Variants in EQTN observed in about 807,000 individuals in gnomAD.
EQTN encodes equatorin.
In EQTN, 29 loss-of-function variants were observed where a neutral mutation model predicts 26.9. The ratio of observed to expected loss-of-function variants is 1.08; its 90% CI spans 0.80 to 1.47. The LOEUF is 1.47. Among genes scored for constraint, EQTN ranks in the 40% most tolerant of loss-of-function variants. The probability of loss-of-function intolerance (pLI) is 0.00; values close to 1 mark genes in which losing one functional copy is unlikely to be tolerated. For missense variants in EQTN, 391 were observed against 346.1 expected (o/e 1.13, Z -1.03); for synonymous variants, 129 against 120.0 (o/e 1.07, Z -0.49).
At chr9:27,291,959 T>C (rs755504208) in intron 4 of EQTN, among the ~76,000 whole-genome samples, 5 of 152,118 alleles carry the variant, frequency 3.3e-5, no homozygotes, top group Admixed American at 6.6e-5. Flanking sequence ...AATTTTGATT[T>C]TGCAGCCTCC....
At chr9:27,292,306 A>G (rs1820252530) in intron 4 of EQTN, 95 bp downstream of exon 4, 7 of 679,818 alleles carry the variant, frequency 1.0e-5, no homozygotes, top group Non-Finnish European at 1.7e-5. Flanking sequence ...TAAGCATGCT[A>G]TGGCTTTATG....
Position 27,286,207 on chromosome 9 carries a change from A to G in EQTN, c.635+2T>C, listed in dbSNP as rs1211088520. The G allele has an allele frequency of 6.8e-6, 11 of 1,613,508 alleles. No homozygotes were observed. Among genetic ancestry groups the G allele is most frequent in the Non-Finnish European group, 9.3e-6 (11 of 1,179,754 alleles). On this transcript the variant is annotated splice_donor_variant, in intron 7 of 7. Coordinates refer to ENST00000380032, the MANE Select transcript of EQTN (RefSeq NM_020641.3). LOFTEE classifies it high-confidence loss of function. ...AAAGACTGCAGAGGTCTGCAGACTTACCTCAGATGCCTCAGTTTGTACAGT... is the reference window on the plus strand; with the variant it reads ...AAAGACTGCAGAGGTCTGCAGACTTGCCTCAGATGCCTCAGTTTGTACAGT...
chr9:27,292,509 T>A, intron 3 of EQTN, 22 bp from the exon 4 acceptor site: 1 of 1,450,626 alleles, frequency 6.9e-7, no homozygotes, highest in Non-Finnish European at 9.6e-7. Flanking sequence ...GAAAAAGAAT[T>A]ATCAGCATGT....
chr9:27,289,760 A>G (rs1278207384), intron 5 of EQTN, 29 bp from the exon 6 acceptor site: 3 of 1,573,982 alleles, frequency 1.9e-6, no homozygotes, highest in East Asian at 4.5e-5. Flanking sequence ...GTTATGGTAA[A>G]CAACGTTCAC....
At chr9:27,295,296 C>T (rs1820313762) in intron 2 of EQTN, among the ~76,000 whole-genome samples, 1 of 152,136 alleles carries the variant, frequency 6.6e-6, no homozygotes, top group Admixed American at 6.5e-5. Flanking sequence ...CAACCCAACA[C>T]TCATGCCATG....
Position 27,284,791 on chromosome 9 carries a change from T to C in EQTN, c.817A>G (p.Met273Val). 1.2e-6 allele frequency: 2 copies of C among 1,614,136 alleles called. No homozygotes were observed. The highest frequency in any genetic ancestry group is 4.5e-5 in the East Asian group (2 of 44,862). The part of the protein sequence containing the change: ...SGTRTSESKI[M>V]TDIISIGSDN... ...GAGCCTATGGAAATGATATCCGTCA[T>C]TATCTTAGATTCTGATGTTCTTGTG... is the stretch of plus-strand genomic sequence containing the variant. The change falls in exon 8 of 8, where the codon ATG becomes GTG. Residue 273 changes from methionine to valine, a missense_variant. Physicochemically the swap from Met to Val is conservative, Grantham distance 21. Transcript: ENST00000380032.
intron 5 of EQTN, among the ~76,000 whole-genome samples, chr9:27,290,158 G>A (rs969996876): frequency 6.6e-6 from 1 of 152,078 alleles, no homozygotes; most frequent in African/African-American, 2.4e-5. Flanking sequence ...ACAATAACCA[G>A]CAATTTAACA....
chr9:27,294,220 A>C, intron 3 of EQTN, 96 bp downstream of exon 3: 1 of 774,410 alleles, frequency 1.3e-6, no homozygotes, highest in Non-Finnish European at 2.1e-6. Context: ...TTATTTAGGA[A>C]CGAAGACTTC....
chr9:27,287,843 C>T (rs1378851496), intron 6 of EQTN, among the ~76,000 whole-genome samples: 1 of 152,146 alleles, frequency 6.6e-6, no homozygotes, highest in Non-Finnish European at 1.5e-5. Context: ...GTCACCCAGG[C>T]TAGAGTGCAG....
intron 6 of EQTN, among the ~76,000 whole-genome samples, chr9:27,288,914 C>T (rs2383723): frequency 0.82 from 125,063 of 152,188 alleles, 51,450 homozygotes; most frequent in South Asian, 0.86. Context: ...GTGAAACTTT[C>T]GTATGATACT....
chr9:27,286,886 T>G (rs1820135612), intron 6 of EQTN, among the ~76,000 whole-genome samples: 1 of 152,168 alleles, frequency 6.6e-6, no homozygotes, highest in Non-Finnish European at 1.5e-5. Flanking sequence ...AGGGCTAGTT[T>G]TGCCATTTTA....
In EQTN at chr9:27,286,338, C is replaced by T. The variant is rs141169949; in HGVS notation, c.506G>A (p.Gly169Glu). 2.3e-5 allele frequency: 36 copies of T among 1,599,246 alleles called. No homozygotes were observed. Among genetic ancestry groups the T allele is most frequent in the Non-Finnish European group, 3.1e-5 (36 of 1,172,230 alleles). Residue 169 changes from glycine to glutamate, a missense_variant, in exon 7 of 8, where the codon GGA becomes GAA. Gly to Glu is a moderately conservative substitution (Grantham distance 98, BLOSUM62 -2). Transcript: ENST00000380032. ...ATCCTCTAGATCTGGCTGATTTTCT[C>T]CCTGTGTAGCATTCACATCAGACTC... Reference protein sequence around the residue: ...IPESDVNATQGENQPDLEDLK... With the variant: ...IPESDVNATQEENQPDLEDLK...
In EQTN at chr9:27,297,073, T is replaced by A. The variant is rs1820360144; in HGVS notation, c.-18A>T. 6.4e-7 allele frequency: 1 copy of A among 1,573,136 alleles called. No individual in the cohort carries two copies. Among genetic ancestry groups the A allele is most frequent in the Admixed American group, 1.7e-5 (1 of 58,140 alleles). On this transcript the variant is annotated 5_prime_UTR_variant, in exon 1 of 8. Transcript: ENST00000380032. Reference sequence around the variant, plus strand: ...AAATTCATTGGGAAATTGAAGTGATTTATCCAGTAATCTAGTGCGTCTACC... The same window carrying A: ...AAATTCATTGGGAAATTGAAGTGATATATCCAGTAATCTAGTGCGTCTACC...
In EQTN at chr9:27,286,152, G is replaced by C. The variant is rs1035365638; in HGVS notation, c.635+57C>G. The C allele has an allele frequency of 2.1e-5, 32 of 1,528,242 alleles. No individual in the cohort carries two copies. In the South Asian group the frequency reaches 3.8e-4, roughly 18 times the overall value. The allele number at this position is 1,528,242 out of a possible 1,614,324, so 94.7% of individuals were successfully genotyped here. A position where few individuals can be genotyped will look rare whatever the true frequency, so the allele number is the denominator to read the frequency against. ...CCTAAGAATCTACTAAAGAGAGGAGGGAGAGAATGCGATGTCATGCATTTG... is the reference window on the plus strand; with the variant it reads ...CCTAAGAATCTACTAAAGAGAGGAGCGAGAGAATGCGATGTCATGCATTTG... On this transcript the variant is annotated intron_variant, in intron 7 of 7. Coordinates refer to ENST00000380032, the MANE Select transcript of EQTN (RefSeq NM_020641.3).
At chr9:27,295,044 C>T (rs189796697) in intron 2 of EQTN, among the ~76,000 whole-genome samples, 1 of 152,172 alleles carries the variant, frequency 6.6e-6, no homozygotes, top group African/African-American at 2.4e-5. Flanking sequence ...TCTATACACA[C>T]ACGAATGTAT....
intron 2 of EQTN, 88 bp from the exon 3 acceptor site, chr9:27,294,490 C>A: frequency 3.1e-6 from 2 of 639,162 alleles, no homozygotes; most frequent in South Asian, 3.2e-5. Flanking sequence ...TTTCTTAAAA[C>A]ATGCACTAAT....
In EQTN at chr9:27,284,657, T is replaced by A; in HGVS notation, c.*66A>T. Reference sequence around the variant, plus strand: ...ACAGAAGACATAAAGAAAGGTCTTTTGATGACAAAATAATTAAAGTTATTT... The same window carrying A: ...ACAGAAGACATAAAGAAAGGTCTTTAGATGACAAAATAATTAAAGTTATTT... On this transcript the variant is annotated 3_prime_UTR_variant, in exon 8 of 8. Coordinates refer to ENST00000380032, the MANE Select transcript of EQTN (RefSeq NM_020641.3). 1 of 1,528,018 alleles carries A rather than the reference T, an allele frequency of 6.5e-7. No homozygotes were observed. The highest frequency in any genetic ancestry group is 8.8e-7 in the Non-Finnish European group (1 of 1,136,608). 94.7% of individuals were successfully genotyped at this position (1,528,018 alleles called of 1,614,324 possible). A position where few individuals can be genotyped will look rare whatever the true frequency, so the allele number is the denominator to read the frequency against.
chr9:27,286,740 A>G (rs895925875), intron 6 of EQTN, among the ~76,000 whole-genome samples: 3 of 152,222 alleles, frequency 2.0e-5, no homozygotes, highest in African/African-American at 7.2e-5. Context: ...AGAGATTATT[A>G]TTCAAAACGA....
At chr9:27,291,152 T>C in intron 4 of EQTN, 89 bp from the exon 5 acceptor site, 1 of 1,222,476 alleles carries the variant, frequency 8.2e-7, no homozygotes, top group Non-Finnish European at 1.1e-6. Flanking sequence ...CGTTTGTTAG[T>C]CATTTAGCAG....
Sources: allele counts gnomAD v4.1 joint callset (sites outside exome capture counted in the v4.1 genomes callset), GRCh38; gene constraint gnomAD v4.1.1; transcripts MANE v1.5; gene names NCBI Gene and HGNC (gene_info 2026-07-23, HGNC 2026-07-21).